LOXHD1: variants seen among roughly 807,000 people sequenced by gnomAD.
The protein encoded by LOXHD1 is lipoxygenase homology domain-containing protein 1.
A neutral mutation model predicts 248.2 loss-of-function variants in LOXHD1; 205 were observed. That is an observed-to-expected ratio of 0.83 (90% CI 0.74 to 0.93). The LOEUF (loss-of-function observed/expected upper bound fraction) is 0.93. LOXHD1 is among the 40% of genes least tolerant of loss of function. The probability of loss-of-function intolerance (pLI) is 0.00; values close to 1 mark genes in which losing one functional copy is unlikely to be tolerated. For synonymous variants in LOXHD1, 1,113 were observed against 1,162.8 expected (o/e 0.96, Z 0.87); for missense variants, 2,930 against 2,971.6 (o/e 0.99, Z 0.33).
chr18:46,566,267 C>A lies in LOXHD1; in HGVS notation c.2427G>T (p.Glu809Asp). The A allele has an allele frequency of 6.5e-7, 1 of 1,549,066 alleles. No individual in the cohort carries two copies. The highest frequency in any genetic ancestry group is 8.7e-7 in the Non-Finnish European group (1 of 1,144,698). ...EVELYPSEVV[E>D]IQKLVHYEVE... ...CAGCCTCCTCCATACATTTCTGGAT[C>A]TCCACCACCTCGCTGGGATACAGCT... is the stretch of plus-strand genomic sequence containing the variant. Residue 809 changes from glutamate to aspartate, a missense_variant, in exon 17 of 41, where the codon GAG becomes GAT. By Grantham distance (45) the Glu-to-Asp change is conservative. Transcript: ENST00000642948.
At chr18:46,478,233 T>A (rs2032205412) in intron 40 of LOXHD1, among the ~76,000 whole-genome samples, 1 of 152,122 alleles carries the variant, frequency 6.6e-6, no homozygotes, top group Non-Finnish European at 1.5e-5. Context: ...CTGTTGACTT[T>A]ATTTTTTTTT....
At chr18:46,652,265 T>C (rs893682093) in intron 1 of LOXHD1, among the ~76,000 whole-genome samples, 7 of 152,180 alleles carry the variant, frequency 4.6e-5, no homozygotes, top group African/African-American at 1.7e-4. Flanking sequence ...AGGGAACCCT[T>C]GAGGGCCAAT....
In LOXHD1 at chr18:46,522,333, G is replaced by A. The variant is rs1008684983; in HGVS notation, c.4877-24C>T. 4.5e-6 allele frequency: 7 copies of A among 1,540,184 alleles called. No individual in the cohort carries two copies. In the Admixed American group the frequency reaches 5.9e-5, roughly 13 times the overall value. On this transcript the variant is annotated intron_variant, in intron 31 of 40. Transcript: ENST00000642948. ...AACTGCAAGAGATCACGGGGCTCAG[G>A]TTCATAACAGACCAGATAGACAAGG...
intron 14 of LOXHD1, among the ~76,000 whole-genome samples, chr18:46,572,990 T>C (rs1338612613): frequency 8.4e-6 from 1 of 118,740 alleles, no homozygotes; most frequent in African/African-American, 3.3e-5. Flanking sequence ...GCCACTGCAC[T>C]CCAGCCTGGG....
rs1468964334 is a variant in LOXHD1, at chr18:46,569,594, C to T, written c.2092G>A (p.Ala698Thr). ...ATGTAGACTCTAGAATCCGTGCTGG[C>T]CCCAGAGACATCCCCAGTCTTCAAG... ...ISLKTGDVSG[A>T]STDSRVYIKL... Residue 698 changes from alanine (A) to threonine (T), a missense_variant, in exon 16 of 41, where the codon GCC (alanine) becomes ACC (threonine). Physicochemically the swap from Ala to Thr is moderately conservative, Grantham distance 58. Transcript: ENST00000642948. 2 of 1,551,536 alleles carry T rather than the reference C, an allele frequency of 1.3e-6. No individual in the cohort carries two copies. Among genetic ancestry groups the T allele is most frequent in the African/African-American group, 1.4e-5 (1 of 73,054 alleles).
intron 17 of LOXHD1, among the ~76,000 whole-genome samples, chr18:46,564,304 G>T (rs1323165344): frequency 6.6e-6 from 1 of 152,140 alleles, no homozygotes; most frequent in Admixed American, 6.5e-5. Context: ...CAGAAGGATT[G>T]CTTGAGGCCA....
intron 29 of LOXHD1, among the ~76,000 whole-genome samples, chr18:46,528,333 CA>C (rs2035914126): frequency 1.3e-5 from 2 of 151,608 alleles, no homozygotes; most frequent in South Asian, 4.2e-4. Flanking sequence ...CGGGGAGGGG[CA>C]GGGGGCATGA....
At chr18:46,645,730 G>T (rs966782251) in intron 2 of LOXHD1, among the ~76,000 whole-genome samples, 20 of 152,010 alleles carry the variant, frequency 1.3e-4, no homozygotes, top group Admixed American at 9.2e-4. Flanking sequence ...ATCAGCACTG[G>T]TACTGAAGTT....
chr18:46,645,882 GT>G (rs538862821), intron 2 of LOXHD1, among the ~76,000 whole-genome samples: 1 of 152,314 alleles, frequency 6.6e-6, no homozygotes, highest in Admixed American at 6.5e-5. Context: ...GAAAGAGAAT[GT>G]GGGAGAAGCA....
chr18:46,610,753 T>A, intron 6 of LOXHD1, 23 bp downstream of exon 6: 1 of 1,541,762 alleles, frequency 6.5e-7, no homozygotes, highest in Non-Finnish European at 8.8e-7. Context: ...CCACAGGGAC[T>A]GCAGAGAAGC....
chr18:46,529,782 T>C (rs2035983485), intron 28 of LOXHD1, among the ~76,000 whole-genome samples: 1 of 152,076 alleles, frequency 6.6e-6, no homozygotes, highest in South Asian at 2.1e-4. Context: ...AAAGAAAATA[T>C]TTTGTAAAGA....
chr18:46,557,599 A>G (rs1319151359), intron 20 of LOXHD1, 110 bp from the exon 21 acceptor site: 24 of 1,266,010 alleles, frequency 1.9e-5, no homozygotes, highest in Non-Finnish European at 2.4e-5. Context: ...CAATGGTGAG[A>G]CCCAAAGCAA....
chr18:46,492,327 A>C (rs1034331441), intron 37 of LOXHD1, among the ~76,000 whole-genome samples: 7 of 152,186 alleles, frequency 4.6e-5, no homozygotes, highest in South Asian at 2.1e-4. Context: ...GTAATTTATA[A>C]AGAAAAGAGG....
chr18:46,519,027 C>G (rs908818223), intron 33 of LOXHD1: 5 of 985,430 alleles, frequency 5.1e-6, no homozygotes, highest in African/African-American at 3.5e-5. Context: ...TGAGGCGCAG[C>G]CTGCTCTTCC....
At chr18:46,605,820 C>A (rs1471254603) in intron 6 of LOXHD1, among the ~76,000 whole-genome samples, 1 of 152,102 alleles carries the variant, frequency 6.6e-6, no homozygotes, top group Admixed American at 6.6e-5. Flanking sequence ...ATAAGCATAT[C>A]CTATGTTTCA....
chr18:46,489,263 C>G, intron 37 of LOXHD1, 121 bp from the exon 38 acceptor site: 1 of 988,052 alleles, frequency 1.0e-6, no homozygotes, highest in South Asian at 1.5e-5. Context: ...CCTCTTTGGG[C>G]CTTGATCTCC....
At chr18:46,522,038 G>T in intron 32 of LOXHD1, 63 bp downstream of exon 32, 1 of 1,301,802 alleles carries the variant, frequency 7.7e-7, no homozygotes, top group Non-Finnish European at 1.1e-6. Context: ...GCCCACCCAG[G>T]AACTGGTCAG....
intron 14 of LOXHD1, among the ~76,000 whole-genome samples, chr18:46,577,412 T>C (rs1568196789): frequency 6.6e-6 from 1 of 152,164 alleles, no homozygotes; most frequent in South Asian, 2.1e-4. Flanking sequence ...TTCACCTAAA[T>C]TCAGGAATTG....
chr18:46,591,330 G>A (rs1331368360), intron 12 of LOXHD1, among the ~76,000 whole-genome samples: 1 of 152,206 alleles, frequency 6.6e-6, no homozygotes, highest in Non-Finnish European at 1.5e-5. Context: ...TCAGACTCAT[G>A]GGAGAGAATG....
Sources: allele counts gnomAD v4.1 joint callset (sites outside exome capture counted in the v4.1 genomes callset), GRCh38; gene constraint gnomAD v4.1.1; transcripts MANE v1.5; gene names NCBI Gene and HGNC (gene_info 2026-07-23, HGNC 2026-07-21).